DCTN2: variants seen among roughly 807,000 people sequenced by gnomAD.
DCTN2 encodes the protein 50 kDa dynein-associated polypeptide.
A neutral mutation model predicts 55.4 loss-of-function variants in DCTN2; 18 were observed. The ratio of observed to expected loss-of-function variants is 0.32; its 90% CI spans 0.22 to 0.48. The LOEUF is 0.48. DCTN2 is among the 20% of genes least tolerant of loss of function. DCTN2 has a pLI of 0.99. For missense variants in DCTN2, 390 were observed against 491.0 expected (o/e 0.79, Z 1.94); for synonymous variants, 168 against 185.2 (o/e 0.91, Z 0.76).
chr12:57,533,133 G>A, intron 8 of DCTN2, 105 bp downstream of exon 8: 1 of 1,560,260 alleles, frequency 6.4e-7, no homozygotes, highest in Non-Finnish European at 8.8e-7. Context: ...CCCTGTAACT[G>A]AAGCCCTTTG....
At chr12:57,543,320 G>A (rs2140137604) in intron 2 of DCTN2, 1 of 189,964 alleles carries the variant, frequency 5.3e-6, no homozygotes, top group South Asian at 7.8e-5. Context: ...CTGCACTCCA[G>A]CCTGGGCGAC....
At chr12:57,532,899 A>G in intron 9 of DCTN2, 85 bp downstream of exon 9, 1 of 1,593,942 alleles carries the variant, frequency 6.3e-7, no homozygotes, top group East Asian at 2.2e-5. Flanking sequence ...ATATATAGCT[A>G]CAAACTCAAA....
chr12:57,533,845 C>A, intron 7 of DCTN2, 108 bp downstream of exon 7: 1 of 1,146,120 alleles, frequency 8.7e-7, no homozygotes. Context: ...CAAGAGGAAT[C>A]AGAGGAATCA....
At position 57,532,019 on chromosome 12, in the gene DCTN2, G is replaced by C. The variant is rs1406852803; in HGVS notation, c.1115C>G (p.Thr372Ser). The C allele has an allele frequency of 1.9e-6, 3 of 1,559,988 alleles. No homozygotes were observed. Among genetic ancestry groups the C allele is most frequent in the Non-Finnish European group, 2.6e-6 (3 of 1,151,520 alleles). ...GATCAACAAAGGGGCACACACCTGGGTCAAGAGGGTGGTATTGTCCTTCAA... is the reference window on the plus strand; with the variant it reads ...GATCAACAAAGGGGCACACACCTGGCTCAAGAGGGTGGTATTGTCCTTCAA... The part of the protein sequence containing the change: ...NSLKDNTTLL[T>S]QVQTTMRENL... The change falls in exon 13 of 14, where the codon ACC becomes AGC. Residue 372 changes from threonine to serine, a missense_variant. Thr to Ser is a moderately conservative substitution (Grantham distance 58, BLOSUM62 1). This residue lies in a region of DCTN2 where 273 missense variants were observed against 303.2 expected (regional missense o/e 0.90). Transcript: ENST00000548249.
In DCTN2 at chr12:57,535,769, C is replaced by G. The variant is rs1195971442; in HGVS notation, c.182G>C (p.Arg61Thr). Reference protein sequence around the residue: ...NAAYDKFKDKRVGTKGLDFSD... With the variant: ...NAAYDKFKDKTVGTKGLDFSD... ...CTCACCAAGTCCCTTTGTCCCCACTCTCTTGTCCTTGAACTTGTCATAGGC... is the reference window on the plus strand; with the variant it reads ...CTCACCAAGTCCCTTTGTCCCCACTGTCTTGTCCTTGAACTTGTCATAGGC... Residue 61 changes from arginine (R) to threonine (T), a missense_variant, in exon 3 of 14, where the codon AGA becomes ACA. By Grantham distance (71) the Arg-to-Thr change is moderately conservative (BLOSUM62 -1). This residue lies in a region of DCTN2 where 117 missense variants were observed against 187.8 expected (regional missense o/e 0.62). Transcript: ENST00000548249. The G allele has an allele frequency of 1.2e-6, 2 of 1,613,984 alleles. No homozygotes were observed. The highest frequency in any genetic ancestry group is 1.7e-6 in the Non-Finnish European group (2 of 1,179,850).
intron 3 of DCTN2, 43 bp downstream of exon 3, chr12:57,535,706 A>G (rs1176339963): frequency 6.4e-7 from 1 of 1,564,060 alleles, no homozygotes; most frequent in East Asian, 2.2e-5. Flanking sequence ...TCTCATGCTT[A>G]TCCTCCAGTC....
intron 2 of DCTN2, among the ~76,000 whole-genome samples, chr12:57,544,612 C>A (rs1017301550): frequency 6.6e-6 from 1 of 152,058 alleles, no homozygotes; most frequent in Non-Finnish European, 1.5e-5. Context: ...GACGGGGTCT[C>A]AAACTCCTGG....
intron 2 of DCTN2, chr12:57,538,690 C>G: frequency 1.7e-6 from 1 of 598,568 alleles, no homozygotes; most frequent in Non-Finnish European, 3.0e-6. Flanking sequence ...CCAGGGGAGC[C>G]TAGCGAAATT....
chr12:57,534,992 T>C (rs1880107276), intron 5 of DCTN2, 64 bp downstream of exon 5: 1 of 1,383,222 alleles, frequency 7.2e-7, no homozygotes, highest in African/African-American at 1.4e-5. Context: ...TTTCTCTTCT[T>C]GCTTGAGGTC....
chr12:57,542,807 AG>A, intron 2 of DCTN2: 1 of 455,848 alleles, frequency 2.2e-6, no homozygotes, highest in Non-Finnish European at 4.4e-6. Flanking sequence ...GGAAAGAGTG[AG>A]ACTCTGTCTC....
Position 57,532,705 on chromosome 12 carries a change from A to G in DCTN2, c.852+28T>C, listed in dbSNP as rs575590538. ...GGGCTTCCAGAGTCCCAAGCTATCC[A>G]TAATTTAATTTTCCCTCCATTTAAT... On this transcript the variant is annotated intron_variant, in intron 10 of 13. Coordinates refer to ENST00000548249, the MANE Select transcript of DCTN2 (RefSeq NM_001261413.2). 14 of 1,613,924 alleles carry G rather than the reference A, an allele frequency of 8.7e-6. No homozygotes were observed. The African/African-American group carries it at 1.2e-4, about 14-fold the overall frequency.
At position 57,534,106 on chromosome 12, in the gene DCTN2, G is replaced by T; in HGVS notation, c.525-9C>A. On this transcript the variant is annotated splice_polypyrimidine_tract_variant and intron_variant, in intron 6 of 13. Transcript: ENST00000548249. ...GCTGCAGTAGTAGGCGCCTAGTTAG[G>T]AGACCGAGTAATAATATCATGACTG... 6.3e-7 allele frequency: 1 copy of T among 1,584,658 alleles called. No individual in the cohort carries two copies. Among genetic ancestry groups the T allele is most frequent in the Non-Finnish European group, 8.6e-7 (1 of 1,165,834 alleles).
chr12:57,542,736 T>C (rs1880797132), intron 2 of DCTN2: 1 of 448,772 alleles, frequency 2.2e-6, no homozygotes, highest in Admixed American at 2.4e-5. Context: ...GGAGAATCGC[T>C]TGAACCGGGG....
At position 57,535,075 on chromosome 12, in the gene DCTN2, G is replaced by C. The variant is rs775243586; in HGVS notation, c.344C>G (p.Thr115Ser). 3.1e-6 allele frequency: 5 copies of C among 1,613,442 alleles called. No homozygotes were observed. The African/African-American group carries it at 6.7e-5, about 22-fold the overall frequency. ...RLLHEVQELTTEVEKIKTTVK... is the reference protein window; with the variant it reads ...RLLHEVQELTSEVEKIKTTVK... ...AGTTACCTTGATTTTTTCAACTTCA[G>C]TTGTCAGCTCTTGGACCTCATGCAG... The change falls in exon 5 of 14, where the codon ACT becomes AGT. Residue 115 changes from threonine to serine, a missense_variant. By Grantham distance (58) the Thr-to-Ser change is moderately conservative (BLOSUM62 1). Around this residue, in one of 2 missense-constraint regions of DCTN2, gnomAD observed 117 missense variants for 187.8 expected, o/e 0.62. Coordinates refer to ENST00000548249, the MANE Select transcript of DCTN2 (RefSeq NM_001261413.2).
chr12:57,538,518 C>G (rs1880434155), intron 2 of DCTN2: 1 of 760,830 alleles, frequency 1.3e-6, no homozygotes, highest in African/African-American at 1.7e-5. Flanking sequence ...AGGCTTCTTA[C>G]CAGCTCCTTG....
rs767597364 is a variant in DCTN2 at position 57,547,013 on chromosome 12, C to T, written c.36+15G>A. On this transcript the variant is annotated intron_variant, in intron 1 of 13. Transcript: ENST00000548249. ...GGGCGCGGTCCTGGGGAGCCGGGGC[C>T]GGTCCTGTACTCACAATGCCGGGAA... The T allele has an allele frequency of 8.5e-6, 11 of 1,289,750 alleles. No homozygotes were observed. Among genetic ancestry groups the T allele is most frequent in the East Asian group, 2.9e-5 (1 of 34,288 alleles). 79.9% of individuals were successfully genotyped at this position (1,289,750 alleles called of 1,614,324 possible).
chr12:57,533,105 G>C, intron 8 of DCTN2, 83 bp from the exon 9 acceptor site: 1 of 1,557,180 alleles, frequency 6.4e-7, no homozygotes, highest in South Asian at 1.2e-5. Flanking sequence ...GGTTCTAGCT[G>C]GGAACCCACT....
intron 11 of DCTN2, 74 bp from the exon 12 acceptor site, chr12:57,532,389 C>A: frequency 1.4e-6 from 2 of 1,398,086 alleles, no homozygotes. Context: ...GCTATTTCAC[C>A]GTAATGGGGG....
intron 3 of DCTN2, 32 bp downstream of exon 3, chr12:57,535,717 T>G (rs1312177280): frequency 1.3e-6 from 2 of 1,588,426 alleles, no homozygotes; most frequent in African/African-American, 2.7e-5. Context: ...TCCTCCAGTC[T>G]TCCCCCCACC....
Sources: gnomAD v4.1 joint callset for allele counts (sites outside exome capture counted in the v4.1 genomes callset) on GRCh38, gnomAD v4.1.1 for gene constraint, gnomAD v4.1.1 regional missense constraint, MANE v1.5 for transcripts, NCBI Gene and HGNC (gene_info 2026-07-23, HGNC 2026-07-21) for gene names.